The following RAPGEF2 variants were observed in gnomAD, a reference collection of about 807,000 sequenced individuals.
RAPGEF2 encodes the protein Rap guanine nucleotide exchange factor 2.
RAPGEF2 carries 54 observed loss-of-function variants against 186.7 expected under a neutral mutation model. The ratio of observed to expected loss-of-function variants is 0.29; its 90% CI spans 0.23 to 0.36. The LOEUF (loss-of-function observed/expected upper bound fraction) is 0.36. Among genes scored for constraint, RAPGEF2 ranks in the 10% least tolerant of loss-of-function variants. The pLI is 1.00. For synonymous variants in RAPGEF2, 712 were observed against 705.9 expected, an observed-to-expected ratio of 1.01 and a Z score of -0.14; for missense variants, 1,532 against 2,045.0, an observed-to-expected ratio of 0.75 and a Z score of 4.84.
chr4:159,131,974 A>G (rs1017683342), intron 1 of RAPGEF2, among the ~76,000 whole-genome samples: 3 of 152,084 alleles, frequency 2.0e-5, no homozygotes, highest in African/African-American at 7.3e-5. Flanking sequence ...ACTTGCAACA[A>G]AAGTCCAGAT....
chr4:159,315,718 C>CAG (rs554000716), intron 9 of RAPGEF2, among the ~76,000 whole-genome samples: 3 of 151,784 alleles, frequency 2.0e-5, no homozygotes, highest in Admixed American at 1.3e-4. Flanking sequence ...GCAGCCGAGG[C>CAG]AGAGAGAGAG....
intron 7 of RAPGEF2, among the ~76,000 whole-genome samples, chr4:159,256,103 T>C (rs1391828960): frequency 6.6e-6 from 1 of 152,226 alleles, no homozygotes; most frequent in East Asian, 1.9e-4. Flanking sequence ...AGGATACATG[T>C]GCAGGATATA....
chr4:159,266,347 A>T (rs1379888390), intron 7 of RAPGEF2, among the ~76,000 whole-genome samples: 1 of 152,216 alleles, frequency 6.6e-6, no homozygotes, highest in Non-Finnish European at 1.5e-5. Flanking sequence ...AAAGTCAATT[A>T]TTAAAAATGC....
At chr4:159,215,770 G>C (rs1561095832) in intron 4 of RAPGEF2, among the ~76,000 whole-genome samples, 2 of 152,154 alleles carry the variant, frequency 1.3e-5, no homozygotes, top group South Asian at 4.1e-4. Flanking sequence ...ACCAGGTAGG[G>C]ACTGTAAGGT....
intron 1 of RAPGEF2, among the ~76,000 whole-genome samples, chr4:159,131,097 T>TGAGAGAGAGA (rs10596468): frequency 6.8e-6 from 1 of 148,116 alleles, no homozygotes; most frequent in African/African-American, 2.5e-5. Flanking sequence ...TGTGTGTGTG[T>TGAGAGAGAGA]GAGAGAGAGA....
At chr4:159,195,689 T>C (rs1205456436) in intron 3 of RAPGEF2, among the ~76,000 whole-genome samples, 9 of 152,060 alleles carry the variant, frequency 5.9e-5, no homozygotes. Context: ...TTTCATGCCT[T>C]GTCACCATAA....
chr4:159,120,761 A>C (rs535526879), intron 1 of RAPGEF2, among the ~76,000 whole-genome samples: 1 of 152,316 alleles, frequency 6.6e-6, no homozygotes, highest in East Asian at 1.9e-4. Flanking sequence ...TTTTCTTTAA[A>C]ATTGATTAAC....
chr4:159,330,295 G>GTATA (rs368303569), intron 12 of RAPGEF2, 39 bp from the exon 13 acceptor site: 4 of 924,390 alleles, frequency 4.3e-6, no homozygotes, highest in Non-Finnish European at 6.6e-6. Flanking sequence ...GTGTGTGTGT[G>GTATA]TATATATATG....
intron 9 of RAPGEF2, among the ~76,000 whole-genome samples, chr4:159,316,293 T>C (rs1764597146): frequency 6.6e-6 from 1 of 152,206 alleles, no homozygotes; most frequent in South Asian, 2.1e-4. Context: ...TACTAACTAA[T>C]GATTAATGAT....
At chr4:159,293,697 T>C (rs1272879957) in intron 7 of RAPGEF2, among the ~76,000 whole-genome samples, 2 of 152,340 alleles carry the variant, frequency 1.3e-5, no homozygotes, top group Middle Eastern at 3.4e-3. Context: ...CAGTAGACTT[T>C]CTTTTAAGTC....
At chr4:159,172,093 T>C (rs1307318486) in intron 1 of RAPGEF2, among the ~76,000 whole-genome samples, 1 of 152,208 alleles carries the variant, frequency 6.6e-6, no homozygotes, top group Admixed American at 6.5e-5. Context: ...ACATTAAGCT[T>C]ATCAAGGATC....
intron 19 of RAPGEF2, among the ~76,000 whole-genome samples, chr4:159,340,821 G>A (rs1023893688): frequency 2.0e-5 from 3 of 151,290 alleles, no homozygotes; most frequent in Non-Finnish European, 2.9e-5. Context: ...ACACGTGTGC[G>A]TGCAACAAAC....
At chr4:159,146,346 C>T (rs1579303000) in intron 1 of RAPGEF2, among the ~76,000 whole-genome samples, 1 of 150,582 alleles carries the variant, frequency 6.6e-6, no homozygotes, top group Non-Finnish European at 1.5e-5. Context: ...CTTTAAAAAG[C>T]ATGTAAGCTT....
At chr4:159,104,536 G>GAGAC (rs1560964929) in intron 1 of RAPGEF2, among the ~76,000 whole-genome samples, 6 of 102,916 alleles carry the variant, frequency 5.8e-5, no homozygotes, top group South Asian at 3.0e-4. Context: ...GGGAGAGACA[G>GAGAC]AGAGAGAGAG....
intron 7 of RAPGEF2, among the ~76,000 whole-genome samples, chr4:159,287,073 G>T (rs1760601119): frequency 6.6e-6 from 1 of 152,114 alleles, no homozygotes. Flanking sequence ...TAGGCAACAT[G>T]TCAGTAAGCT....
intron 1 of RAPGEF2, among the ~76,000 whole-genome samples, chr4:159,118,978 C>G (rs1404249766): frequency 1.3e-5 from 2 of 152,164 alleles, no homozygotes; most frequent in Admixed American, 6.5e-5. Context: ...ATTCATTACT[C>G]TTTTACTTTT....
intron 7 of RAPGEF2, among the ~76,000 whole-genome samples, chr4:159,289,661 A>G (rs1760940569): frequency 6.6e-6 from 1 of 152,206 alleles, no homozygotes; most frequent in Non-Finnish European, 1.5e-5. Flanking sequence ...TGAAAAAGAC[A>G]CACCTAGAGA....
rs185937376 is a variant in RAPGEF2, at chr4:159,138,608, T to C, written c.69+34377T>C. Reference sequence around the variant, plus strand: ...CTCTTGTGGTAGGTTAATTGACTCATTTGGGAAGTACAAAGATCCATGTGA... The same window carrying C: ...CTCTTGTGGTAGGTTAATTGACTCACTTGGGAAGTACAAAGATCCATGTGA... On this transcript the variant is annotated intron_variant, in intron 1 of 29. Transcript: ENST00000691494. Among the ~76,000 whole-genome samples the C allele has an allele frequency of 2.1e-3, 321 of 152,308 alleles. 3 individuals are homozygous for C. Among genetic ancestry groups the C allele is most frequent in the African/African-American group, 7.2e-3 (298 of 41,568 alleles).
chr4:159,333,034 C>G (rs1266376880), intron 17 of RAPGEF2, among the ~76,000 whole-genome samples: 1 of 151,982 alleles, frequency 6.6e-6, no homozygotes, highest in Admixed American at 6.6e-5. Flanking sequence ...GGCTGGAGTG[C>G]AGTGGCGCGA....
Sources: gnomAD v4.1 joint callset for allele counts (sites outside exome capture counted in the v4.1 genomes callset) on GRCh38, gnomAD v4.1.1 for gene constraint, MANE v1.5 for transcripts, NCBI Gene and HGNC (gene_info 2026-07-23, HGNC 2026-07-21) for gene names.